The following ABCB11 variants were observed in gnomAD, a reference collection of about 807,000 sequenced individuals.
The protein encoded by ABCB11 is bile salt export pump.
ABCB11 carries 95 observed loss-of-function variants against 148.0 expected under a neutral mutation model. That is an observed-to-expected ratio of 0.64 (90% CI 0.54 to 0.76). The LOEUF is 0.76. Ranked by LOEUF, ABCB11 falls within the 30% of genes least tolerant of loss-of-function variation. ABCB11 has a pLI of 0.00. For missense variants in ABCB11, 1,523 were observed against 1,617.8 expected, an observed-to-expected ratio of 0.94 and a Z score of 1.01; for synonymous variants, 591 against 555.4, an observed-to-expected ratio of 1.06 and a Z score of -0.90.
At chr2:168,977,602 T>TA (rs1693965112) in intron 11 of ABCB11, among the ~76,000 whole-genome samples, 1 of 152,156 alleles carries the variant, frequency 6.6e-6, no homozygotes, top group Admixed American at 6.6e-5. Flanking sequence ...ATCACTGTAT[T>TA]AGTCCATTTT....
chr2:168,948,291 T>C (rs1692417880), intron 19 of ABCB11, among the ~76,000 whole-genome samples: 1 of 151,742 alleles, frequency 6.6e-6, no homozygotes. Flanking sequence ...GCTTGGATTC[T>C]TTCTGATCCA....
At chr2:168,974,786 T>C (rs1163811852) in intron 12 of ABCB11, among the ~76,000 whole-genome samples, 2 of 151,952 alleles carry the variant, frequency 1.3e-5, no homozygotes, top group Admixed American at 6.6e-5. Flanking sequence ...TAGCTATCCA[T>C]TCAAAAATAT....
Position 168,927,194 on chromosome 2 carries a change from GT to G in ABCB11, c.3579del (p.Lys1193AsnfsTer50). On this transcript the variant is annotated frameshift_variant, in exon 26 of 28. Transcript: ENST00000650372. LOFTEE classifies it high-confidence loss of function. ...ATGACAAAATCATGCAGCTGAGCCT[GT>G]TTTGCAGCTGCTATGACTCTTTCCA... ...IPMERVIAAA[K>X]QAQLHDFVMS... is the part of the protein sequence containing the mutation. 1.9e-6 allele frequency: 3 copies of G among 1,613,850 alleles called. No homozygotes were observed. The highest frequency in any genetic ancestry group is 2.5e-6 in the Non-Finnish European group (3 of 1,179,794).
At position 168,986,353 on chromosome 2, in the gene ABCB11, G is replaced by A. The variant is rs55652734; in HGVS notation, c.909-69C>T. The A allele has an allele frequency of 0.02, 26,042 of 1,312,798 alleles. 371 individuals are homozygous for A. Among genetic ancestry groups the A allele is most frequent in the African/African-American group, 0.063 (4,228 of 67,324 alleles). The allele number at this position is 1,312,798 out of a possible 1,614,324, so 81.3% of individuals were successfully genotyped here. A position where few individuals can be genotyped will look rare whatever the true frequency, so the allele number is the denominator to read the frequency against. The stretch of plus-strand genomic sequence containing the variant: ...CAAGTTATAATGTTTAAAACAGGCC[G>A]TGATGCAGTGGTTTTACAAAATGAT... On this transcript the variant is annotated intron_variant, in intron 9 of 27. Coordinates refer to ENST00000650372, the MANE Select transcript of ABCB11 (RefSeq NM_003742.4).
intron 1 of ABCB11, among the ~76,000 whole-genome samples, chr2:169,022,053 G>T (rs555291530): frequency 1.8e-4 from 28 of 151,914 alleles, no homozygotes; most frequent in African/African-American, 6.3e-4. Context: ...GATAAATATG[G>T]GTTAAGGATG....
At chr2:168,985,554 G>GTA (rs935311456) in intron 10 of ABCB11, among the ~76,000 whole-genome samples, 27 of 151,860 alleles carry the variant, frequency 1.8e-4, no homozygotes, top group African/African-American at 5.8e-4. Flanking sequence ...TAACATATAT[G>GTA]TATATATATA....
chr2:169,008,167 G>T (rs1042382624), intron 5 of ABCB11, among the ~76,000 whole-genome samples: 1 of 152,080 alleles, frequency 6.6e-6, no homozygotes, highest in Admixed American at 6.6e-5. Context: ...TCCTATGACT[G>T]CTGTAACAAT....
chr2:168,918,261 G>A (rs1295775639), downstream of ABCB11, among the ~76,000 whole-genome samples: 4 of 152,182 alleles, frequency 2.6e-5, no homozygotes, highest in Non-Finnish European at 4.4e-5. Flanking sequence ...GCCAAGTACC[G>A]AGTAAAGCAC....
Position 168,923,762 on chromosome 2 carries a change from G to T in ABCB11, c.3826C>A (p.Arg1276Ser), listed in dbSNP as rs755385304. ...EGRTCIVIAH[R>S]LSTIQNADII... The stretch of plus-strand genomic sequence containing the variant: ...TCCGCGTTCTGGATGGTGGACAAGC[G>T]ATGGGCAATGACAATGCAGGTCCGA... The change falls in exon 28 of 28, where the codon CGC (arginine) becomes AGC (serine). Residue 1276 changes from arginine (R) to serine (S), a missense_variant. By Grantham distance (110) the Arg-to-Ser change is moderately radical (BLOSUM62 -1). Coordinates refer to ENST00000650372, the MANE Select transcript of ABCB11 (RefSeq NM_003742.4). The T allele has an allele frequency of 6.2e-7, 1 of 1,613,882 alleles. No homozygotes were observed. Among genetic ancestry groups the T allele is most frequent in the Non-Finnish European group, 8.5e-7 (1 of 1,179,880 alleles).
At chr2:169,030,921 A>G (rs1695846920) in intron 1 of ABCB11, among the ~76,000 whole-genome samples, 1 of 152,240 alleles carries the variant, frequency 6.6e-6, no homozygotes, top group Non-Finnish European at 1.5e-5. Flanking sequence ...TTTTACTTTG[A>G]GCAGATTATT....
intron 21 of ABCB11, among the ~76,000 whole-genome samples, chr2:168,938,147 G>T (rs1421330870): frequency 6.6e-6 from 1 of 152,132 alleles, no homozygotes; most frequent in East Asian, 1.9e-4. Context: ...AGACACAAAT[G>T]GAATATAAAA....
At chr2:168,987,284 G>T (rs1469809241) in intron 9 of ABCB11, among the ~76,000 whole-genome samples, 2 of 152,078 alleles carry the variant, frequency 1.3e-5, no homozygotes, top group Non-Finnish European at 2.9e-5. Flanking sequence ...AAAAATCAAA[G>T]CATGGCACGT....
chr2:168,924,220 C>T (rs1574389319), intron 27 of ABCB11, among the ~76,000 whole-genome samples: 1 of 152,214 alleles, frequency 6.6e-6, no homozygotes, highest in Non-Finnish European at 1.5e-5. Flanking sequence ...ATTAATTATA[C>T]ATTTTAAATT....
chr2:169,023,735 G>A (rs558112945), intron 1 of ABCB11, among the ~76,000 whole-genome samples: 17 of 152,308 alleles, frequency 1.1e-4, no homozygotes, highest in African/African-American at 3.8e-4. Flanking sequence ...TAGATACGCA[G>A]TAGAAATATA....
intron 5 of ABCB11, among the ~76,000 whole-genome samples, chr2:168,998,564 A>G (rs960731259): frequency 6.6e-6 from 1 of 151,814 alleles, no homozygotes. Context: ...TATCCCATAA[A>G]TATGTATACT....
In ABCB11 at chr2:169,016,770, T is replaced by C; in HGVS notation, c.98+8A>G. 1 of 1,596,910 alleles carries C rather than the reference T, an allele frequency of 6.3e-7. No homozygotes were observed. Among genetic ancestry groups the C allele is most frequent in the Non-Finnish European group, 8.6e-7 (1 of 1,169,398 alleles). ...AAAGATGCTGCATTGTTGAAATCAG[T>C]CACTTACCTTGATTTCTTATCATTA... is the stretch of plus-strand genomic sequence containing the variant. On this transcript the variant is annotated splice_region_variant and intron_variant, in intron 3 of 27. Coordinates refer to ENST00000650372, the MANE Select transcript of ABCB11 (RefSeq NM_003742.4).
At chr2:168,960,640 G>A (rs1354304744) in intron 18 of ABCB11, among the ~76,000 whole-genome samples, 2 of 151,536 alleles carry the variant, frequency 1.3e-5, no homozygotes, top group Non-Finnish European at 3.0e-5. Context: ...TATACTAAAA[G>A]TTTGACTTTA....
chr2:168,941,735 G>A (rs1216328253), intron 21 of ABCB11, among the ~76,000 whole-genome samples: 1 of 152,050 alleles, frequency 6.6e-6, no homozygotes, highest in African/African-American at 2.4e-5. Flanking sequence ...GAGAGGAAGA[G>A]TCAATTGATG....
At chr2:168,957,513 C>T (rs1692852115) in intron 19 of ABCB11, among the ~76,000 whole-genome samples, 1 of 151,680 alleles carries the variant, frequency 6.6e-6, no homozygotes, top group Non-Finnish European at 1.5e-5. Context: ...ATCCACATTA[C>T]TATTTCAATA....
Sources: gnomAD v4.1 joint callset for allele counts (sites outside exome capture counted in the v4.1 genomes callset) on GRCh38, gnomAD v4.1.1 for gene constraint, MANE v1.5 for transcripts, NCBI Gene and HGNC (gene_info 2026-07-23, HGNC 2026-07-21) for gene names.